The following HERC2 variants were observed in gnomAD, a reference collection of about 807,000 sequenced individuals.
The protein encoded by HERC2 is HECT and RLD domain containing E3 ubiquitin protein ligase 2.
A neutral mutation model predicts 537.7 loss-of-function variants in HERC2; 102 were observed. The observed-to-expected ratio is 0.19, with a 90% CI of 0.16 to 0.22. HERC2 has a LOEUF of 0.22. HERC2 is among the 10% of genes least tolerant of loss of function. The probability of loss-of-function intolerance (pLI) is 1.00; values close to 1 mark genes in which losing one functional copy is unlikely to be tolerated. For missense variants in HERC2, 4,236 were observed against 6,198.2 expected (o/e 0.68, Z 10.63); for synonymous variants, 2,224 against 2,466.2 (o/e 0.90, Z 2.91).
chr15:28,155,774 C>T (rs574995496), intron 69 of HERC2, among the ~76,000 whole-genome samples: 4 of 152,046 alleles, frequency 2.6e-5, no homozygotes, highest in Non-Finnish European at 1.5e-5. Flanking sequence ...TAATTGGATC[C>T]CATTTGTCAA....
At chr15:28,162,997 A>G (rs1279898732) in intron 69 of HERC2, 97 bp downstream of exon 69, 3 of 1,036,036 alleles carry the variant, frequency 2.9e-6, no homozygotes, top group East Asian at 4.8e-5. Flanking sequence ...ACCCAGCACA[A>G]GATCACCGGT....
At chr15:28,169,237 A>G (rs1478068300) in intron 66 of HERC2, among the ~76,000 whole-genome samples, 1 of 152,260 alleles carries the variant, frequency 6.6e-6, no homozygotes, top group Non-Finnish European at 1.5e-5. Flanking sequence ...TGATGGTTCG[A>G]GTCTACTGGT....
intron 76 of HERC2, 49 bp from the exon 77 acceptor site, chr15:28,141,895 A>G (rs766849175): frequency 7.6e-7 from 1 of 1,307,294 alleles, no homozygotes; most frequent in East Asian, 2.3e-5. Flanking sequence ...ATCTCAAACA[A>G]AATAGATAAA....
At chr15:28,307,418 G>A (rs113826561) in intron 2 of HERC2, among the ~76,000 whole-genome samples, 16 of 151,932 alleles carry the variant, frequency 1.1e-4, no homozygotes, top group Admixed American at 7.2e-4. Flanking sequence ...TATGGGTTTG[G>A]TTAGCTCCTT....
rs1158302138 is a variant in HERC2 at position 28,214,552 on chromosome 15, G to A, written c.6358+103C>T. 3.4e-5 allele frequency: 46 copies of A among 1,350,874 alleles called. No individual in the cohort carries two copies. In the East Asian group the frequency reaches 9.9e-4, roughly 29 times the overall value. 83.7% of individuals were successfully genotyped at this position (1,350,874 alleles called of 1,614,324 possible). ...ACCCACCTCTGAGTGACGGCACTGC[G>A]CCGCTCTTCACCAGGGCACAGGGAA... On this transcript the variant is annotated intron_variant, in intron 40 of 92. Transcript: ENST00000261609.
Position 28,229,797 on chromosome 15 carries a change from C to T in HERC2, c.4860G>A (p.Lys1620=), listed in dbSNP as rs902943042. 8 of 1,451,534 alleles carry T rather than the reference C, an allele frequency of 5.5e-6. No individual in the cohort carries two copies. Among genetic ancestry groups the T allele is most frequent in the Middle Eastern group, 2.4e-4 (1 of 4,134 alleles). 89.9% of individuals were successfully genotyped at this position (1,451,534 alleles called of 1,614,324 possible). ...LSTVTGVHKY[K]WLKQNVQGLY... ...GACCCTGCACATTCTGCTTCAACCA[C>T]TTGTATTTGTGAACACCTGTAACAG... is the stretch of plus-strand genomic sequence containing the variant. Residue 1620 remains lysine (K), a synonymous_variant, in exon 32 of 93, where the codon AAG becomes AAA. Coordinates refer to ENST00000261609, the MANE Select transcript of HERC2 (RefSeq NM_004667.6).
intron 64 of HERC2, 145 bp from the exon 65 acceptor site, chr15:28,174,765 A>G (rs1895084951): frequency 8.7e-6 from 6 of 693,434 alleles, no homozygotes; most frequent in Non-Finnish European, 1.5e-5. Flanking sequence ...ACCATTTCAC[A>G]ATCTTTCAAA....
At chr15:28,151,411 G>C (rs1332058013) in intron 70 of HERC2, among the ~76,000 whole-genome samples, 1 of 152,174 alleles carries the variant, frequency 6.6e-6, no homozygotes, top group Non-Finnish European at 1.5e-5. Flanking sequence ...CGAGGCTACA[G>C]TGAGCTATAA....
intron 5 of HERC2, among the ~76,000 whole-genome samples, chr15:28,278,339 C>T (rs2075932055): frequency 6.6e-6 from 1 of 152,034 alleles, no homozygotes; most frequent in Admixed American, 6.6e-5. Flanking sequence ...GCCATGATGG[C>T]CCCACTGCCC....
At position 28,246,787 on chromosome 15, in the gene HERC2, G is replaced by A. The variant is rs751704063; in HGVS notation, c.3346C>T (p.Arg1116Trp). ...VAASIASTSW[R>W]HFAEVAYIVE... ...ATGTAAGCCACCTCCGCGAAGTGCCGCCAGCTGGTAGAAGCAATGCTGGCG... is the reference window on the plus strand; with the variant it reads ...ATGTAAGCCACCTCCGCGAAGTGCCACCAGCTGGTAGAAGCAATGCTGGCG... The change falls in exon 22 of 93, where the codon CGG becomes TGG. Residue 1116 changes from arginine (R) to tryptophan (W), a missense_variant. Physicochemically the swap from Arg to Trp is moderately radical, Grantham distance 101 (BLOSUM62 -3). Coordinates refer to ENST00000261609, the MANE Select transcript of HERC2 (RefSeq NM_004667.6). 1.6e-5 allele frequency: 25 copies of A among 1,607,126 alleles called. No homozygotes were observed. The highest frequency in any genetic ancestry group is 1.7e-4 in the Middle Eastern group (1 of 6,056).
rs114260536 is a variant in HERC2, at chr15:28,166,012, T to C, written c.10554+1675A>G. ...ATAAAACATCTTATTGAGCCTGGAA[T>C]TTTGTGTTGTGCCAAAAAGTAAGGA... On this transcript the variant is annotated intron_variant, in intron 68 of 92. Coordinates refer to ENST00000261609, the MANE Select transcript of HERC2 (RefSeq NM_004667.6). Among the ~76,000 whole-genome samples, 692 of 152,314 alleles carry C rather than the reference T, an allele frequency of 4.5e-3. 1 individual carries two copies. Among genetic ancestry groups the C allele is most frequent in the African/African-American group, 0.016 (661 of 41,564 alleles).
chr15:28,296,616 A>C (rs866792147), intron 3 of HERC2, among the ~76,000 whole-genome samples: 1 of 151,566 alleles, frequency 6.6e-6, no homozygotes, highest in Admixed American at 6.6e-5. Context: ...ATTTTAATTT[A>C]TAAACAAATA....
At chr15:28,230,084 A>G (rs549675808) in intron 31 of HERC2, among the ~76,000 whole-genome samples, 44 of 152,346 alleles carry the variant, frequency 2.9e-4, no homozygotes, top group African/African-American at 1.1e-3. Flanking sequence ...GGTTCATATT[A>G]ATAGCCACAG....
chr15:28,126,631 C>T (rs142379282), intron 83 of HERC2, among the ~76,000 whole-genome samples: 50 of 152,224 alleles, frequency 3.3e-4, no homozygotes, highest in African/African-American at 1.1e-3. Context: ...AACTCAGGAA[C>T]GGAAAACCAA....
At chr15:28,284,015 A>T (rs1278731956) in intron 4 of HERC2, among the ~76,000 whole-genome samples, 7 of 152,240 alleles carry the variant, frequency 4.6e-5, no homozygotes, top group African/African-American at 7.2e-5. Context: ...TTTTATATAT[A>T]ACTTATACAC....
intron 81 of HERC2, 80 bp from the exon 82 acceptor site, chr15:28,130,674 A>G: frequency 1.0e-6 from 1 of 973,300 alleles, no homozygotes; most frequent in Admixed American, 1.8e-5. Flanking sequence ...GATTTAACTA[A>G]ATCTAGTAAG....
chr15:28,315,940 C>G lies in HERC2; in HGVS notation c.72+5422G>C, dbSNP rs572755044. ...CCGATCACCTCTGAGACCCACCTTG[C>G]TCATAAACAAAATGCCCATGTTGGA... On this transcript the variant is annotated intron_variant, in intron 2 of 92. Coordinates refer to ENST00000261609, the MANE Select transcript of HERC2 (RefSeq NM_004667.6). The G allele has an allele frequency of 2.7e-4, 107 of 402,196 alleles. 1 individual carries two copies. Among genetic ancestry groups the G allele is most frequent in the African/African-American group, 2.1e-3 (102 of 49,052 alleles). The allele number at this position is 402,196 out of a possible 1,614,324, so 24.9% of individuals were successfully genotyped here.
In HERC2 at chr15:28,160,537, G is replaced by A. The variant is rs1027162873; in HGVS notation, c.10746+2557C>T. On this transcript the variant is annotated intron_variant, in intron 69 of 92. Coordinates refer to ENST00000261609, the MANE Select transcript of HERC2 (RefSeq NM_004667.6). ...GGGCGTGGGACCCTCCGAGCCAGGC[G>A]CGAGATATAATCTCCTGGTGTGCCA... Among the ~76,000 whole-genome samples the A allele has an allele frequency of 9.2e-5, 14 of 152,186 alleles. No homozygotes were observed. In the East Asian group the frequency reaches 1.7e-3, roughly 19 times the overall value.
At chr15:28,183,713 G>A (rs1896036677) in intron 56 of HERC2, among the ~76,000 whole-genome samples, 1 of 152,180 alleles carries the variant, frequency 6.6e-6, no homozygotes, top group African/African-American at 2.4e-5. Context: ...AAAGGCACCA[G>A]ACGGCTTCCA....
Sources: gnomAD v4.1 joint callset for allele counts (sites outside exome capture counted in the v4.1 genomes callset) on GRCh38, gnomAD v4.1.1 for gene constraint, MANE v1.5 for transcripts, NCBI Gene and HGNC (gene_info 2026-07-23, HGNC 2026-07-21) for gene names.